The following KLHL5 variants were observed in gnomAD, a reference collection of about 807,000 sequenced individuals.
The protein encoded by KLHL5 is kelch-like protein 5.
A neutral mutation model predicts 77.7 loss-of-function variants in KLHL5; 48 were observed. The observed-to-expected ratio is 0.62, with a 90% CI of 0.49 to 0.79. The LOEUF (loss-of-function observed/expected upper bound fraction) is 0.79, where lower values mean the gene tolerates loss of function less well. KLHL5 is among the 30% of genes least tolerant of loss of function. KLHL5 has a pLI of 0.00. For synonymous variants in KLHL5, 260 were observed against 297.0 expected, an observed-to-expected ratio of 0.88 and a Z score of 1.28; for missense variants, 723 against 859.7, an observed-to-expected ratio of 0.84 and a Z score of 1.99.
chr4:39,116,247 C>T lies in KLHL5; in HGVS notation c.2073+917C>T, dbSNP rs756101031. 2.1e-4 allele frequency: 33 copies of T among 154,820 alleles called. 1 individual carries two copies. The highest frequency in any genetic ancestry group is 4.1e-4 in the Non-Finnish European group (29 of 70,412). The allele number at this position is 154,820 out of a possible 1,614,324, so 9.6% of individuals were successfully genotyped here. ...ACTCGGGGGGCTGAGGCAGGAGAAT[C>T]GCTTGAACCCAGGAGGCAGAGGTTG... On this transcript the variant is annotated intron_variant, in intron 10 of 10. Transcript: ENST00000504108.
chr4:39,088,846 A>G (rs957321002), intron 5 of KLHL5, among the ~76,000 whole-genome samples: 14 of 152,104 alleles, frequency 9.2e-5, no homozygotes, highest in Non-Finnish European at 1.0e-4. Context: ...GAGCAAATAT[A>G]TTGTGTTTTG....
chr4:39,085,591 A>G (rs1347943778), intron 4 of KLHL5, among the ~76,000 whole-genome samples: 3 of 152,256 alleles, frequency 2.0e-5, no homozygotes, highest in Non-Finnish European at 4.4e-5. Flanking sequence ...AAACCTTTCA[A>G]ATCAGATGGT....
At chr4:39,113,574 A>G (rs1284340664) in intron 9 of KLHL5, among the ~76,000 whole-genome samples, 2 of 152,240 alleles carry the variant, frequency 1.3e-5, no homozygotes, top group Non-Finnish European at 2.9e-5. Flanking sequence ...TTGATATGAA[A>G]TAAAAAACTA....
At chr4:39,070,847 G>T (rs992116849) in intron 1 of KLHL5, among the ~76,000 whole-genome samples, 1 of 146,578 alleles carries the variant, frequency 6.8e-6, no homozygotes, top group Non-Finnish European at 1.5e-5. Context: ...CAATTGCCTT[G>T]TCTCCTCTTC....
chr4:39,121,852 GTATTTAA>G lies in KLHL5; in HGVS notation c.*788_*794del, dbSNP rs1483874361. ...TACCCTATAATCTTTCACCTAATTA[GTATTTAA>G]TTATATGGATTTGTTTTATATTATA... On this transcript the variant is annotated 3_prime_UTR_variant, in exon 11 of 11. Transcript: ENST00000504108. The G allele has an allele frequency of 2.0e-5, 3 of 152,422 alleles. No homozygotes were observed. Among genetic ancestry groups the G allele is most frequent in the African/African-American group, 7.2e-5 (3 of 41,396 alleles). The allele number at this position is 152,422 out of a possible 1,614,324, so 9.4% of individuals were successfully genotyped here.
At chr4:39,106,353 A>G (rs1025564541) in intron 7 of KLHL5, among the ~76,000 whole-genome samples, 1 of 152,200 alleles carries the variant, frequency 6.6e-6, no homozygotes, top group Non-Finnish European at 1.5e-5. Flanking sequence ...GACCCTCTCT[A>G]TCCTTTTACT....
At chr4:39,115,685 A>C in intron 10 of KLHL5, 8 of 1,257,132 alleles carry the variant, frequency 6.4e-6, no homozygotes, top group Non-Finnish European at 7.0e-6. Flanking sequence ...AACTTTGAAC[A>C]ACTTGCCCAT....
At chr4:39,093,630 G>T (rs185107578) in intron 5 of KLHL5, among the ~76,000 whole-genome samples, 3 of 151,502 alleles carry the variant, frequency 2.0e-5, no homozygotes, top group Admixed American at 1.3e-4. Context: ...AAGGGGCAAG[G>T]CATGGTGGCT....
At position 39,125,928 on chromosome 4, in the gene KLHL5, C is replaced by T. The variant is rs755264088; in HGVS notation, c.*4862C>T. Among the ~76,000 whole-genome samples, 15 of 152,236 alleles carry T rather than the reference C, an allele frequency of 9.9e-5. No homozygotes were observed. In the South Asian group the frequency reaches 1.9e-3, roughly 19 times the overall value. ...GTACGCTTCACTAGGATAAAAACTT[C>T]GGATTTATATGCATCTGGAAGAGAA... is the stretch of plus-strand genomic sequence containing the variant. On this transcript the variant is annotated 3_prime_UTR_variant, in exon 11 of 11. Coordinates refer to ENST00000504108, the MANE Select transcript of KLHL5 (RefSeq NM_015990.5).
At chr4:39,049,232 T>C (rs1716441141) in intron 1 of KLHL5, among the ~76,000 whole-genome samples, 1 of 152,212 alleles carries the variant, frequency 6.6e-6, no homozygotes, top group Non-Finnish European at 1.5e-5. Flanking sequence ...TGTATGTGAG[T>C]GTGTTTAAAC....
At chr4:39,114,894 C>T (rs911351371) in intron 9 of KLHL5, among the ~76,000 whole-genome samples, 10 of 152,106 alleles carry the variant, frequency 6.6e-5, no homozygotes, top group South Asian at 2.1e-4. Flanking sequence ...CCCAAATTTT[C>T]GGTAGGTAAT....
chr4:39,093,350 G>A (rs1292911133), intron 5 of KLHL5: 1 of 453,470 alleles, frequency 2.2e-6, no homozygotes, highest in Non-Finnish European at 4.4e-6. Flanking sequence ...ATGGGAATGA[G>A]GATCAACAGT....
chr4:39,096,953 G>T, intron 6 of KLHL5, 75 bp downstream of exon 6: 1 of 1,225,344 alleles, frequency 8.2e-7, no homozygotes, highest in Admixed American at 2.0e-5. Context: ...TATGGCCAAA[G>T]AACTCTTTGG....
intron 2 of KLHL5, among the ~76,000 whole-genome samples, chr4:39,077,260 C>T (rs1186712263): frequency 6.6e-6 from 1 of 151,930 alleles, no homozygotes; most frequent in Non-Finnish European, 1.5e-5. Context: ...AGATTGAGAC[C>T]ATCCTGGCTA....
At chr4:39,063,512 T>C (rs1042999460) in intron 1 of KLHL5, 5 of 422,630 alleles carry the variant, frequency 1.2e-5, no homozygotes, top group African/African-American at 1.0e-4. Flanking sequence ...TTTGACACAA[T>C]TGTAGTTGTC....
intron 1 of KLHL5, among the ~76,000 whole-genome samples, chr4:39,045,450 A>G (rs116724947): frequency 0.028 from 4,254 of 151,376 alleles, 82 homozygotes; most frequent in Middle Eastern, 0.056. Flanking sequence ...GCTTTCCCGG[A>G]CTGTCCCTGC....
chr4:39,062,129 A>T, upstream of KLHL5: 1 of 520,570 alleles, frequency 1.9e-6, no homozygotes, highest in Non-Finnish European at 2.5e-6. Context: ...GAAACATTTT[A>T]GTTTTAAAGT....
At chr4:39,111,515 C>T (rs953521363) in intron 8 of KLHL5, among the ~76,000 whole-genome samples, 5 of 150,944 alleles carry the variant, frequency 3.3e-5, no homozygotes, top group South Asian at 2.1e-4. Flanking sequence ...GGTGTGCACA[C>T]GTGTGCACAC....
the KLHL5 span, among the ~76,000 whole-genome samples, chr4:39,132,990 T>G: frequency 6.6e-6 from 1 of 152,176 alleles, no homozygotes; most frequent in Non-Finnish European, 1.5e-5. Context: ...AATGATAGTC[T>G]AGTCGCAGGA....
Sources: allele counts gnomAD v4.1 joint callset (sites outside exome capture counted in the v4.1 genomes callset), GRCh38; gene constraint gnomAD v4.1.1; transcripts MANE v1.5; gene names NCBI Gene and HGNC (gene_info 2026-07-23, HGNC 2026-07-21).